Variants in NUP62CL observed in about 807,000 individuals in gnomAD.
The protein encoded by NUP62CL is nucleoporin-62 C-terminal-like protein.
A neutral mutation model predicts 15.3 loss-of-function variants in NUP62CL; 13 were observed. The observed-to-expected ratio is 0.85, with a 90% CI of 0.55 to 1.35. The LOEUF (loss-of-function observed/expected upper bound fraction) is 1.35. Among genes scored for constraint, NUP62CL ranks in the 40% most tolerant of loss-of-function variants. The pLI, the probability that NUP62CL is intolerant of heterozygous loss-of-function variation, is 0.00. For synonymous variants in NUP62CL, 54 were observed against 49.2 expected (o/e 1.10, Z -0.41); for missense variants, 123 against 130.6 (o/e 0.94, Z 0.28).
intron 1 of NUP62CL, among the ~76,000 whole-genome samples, chrX:107,199,763 A>T (rs928297495): frequency 6.2e-5 from 7 of 112,059 alleles, no homozygotes; most frequent in Non-Finnish European, 1.3e-4. Context: ...AATACATATG[A>T]TTGTTTAACA....
At chrX:107,203,665 T>C (rs1927540308) in intron 1 of NUP62CL, among the ~76,000 whole-genome samples, 1 of 111,284 alleles carries the variant, frequency 9.0e-6, no homozygotes, top group Non-Finnish European at 1.9e-5. Context: ...ATGCAAAATA[T>C]AAAGATCATC....
chrX:107,198,800 G>A (rs1436983577), intron 1 of NUP62CL, among the ~76,000 whole-genome samples: 1 of 112,171 alleles, frequency 8.9e-6, no homozygotes, highest in African/African-American at 3.2e-5. Flanking sequence ...TTTAAGAACT[G>A]TAATACTCAC....
intron 8 of NUP62CL, among the ~76,000 whole-genome samples, chrX:107,140,226 G>C: frequency 8.9e-6 from 1 of 111,951 alleles, no homozygotes; most frequent in Non-Finnish European, 1.9e-5. Flanking sequence ...TATATCTTAA[G>C]TGGTCTTTAT....
At chrX:107,199,631 T>C (rs138822543) in intron 1 of NUP62CL, among the ~76,000 whole-genome samples, 1,173 of 112,183 alleles carry the variant, frequency 0.01, 21 homozygotes, top group African/African-American at 0.035. Context: ...TTATTGACAA[T>C]CATCAAGTTC....
intron 3 of NUP62CL, among the ~76,000 whole-genome samples, chrX:107,172,139 T>C (rs1231899747): frequency 9.9e-6 from 1 of 100,843 alleles, no homozygotes; most frequent in Non-Finnish European, 2.0e-5. Context: ...GCCTGGACAA[T>C]GTAGTGAGAC....
chrX:107,174,564 A>G (rs747102286), intron 3 of NUP62CL, among the ~76,000 whole-genome samples: 19 of 111,788 alleles, frequency 1.7e-4, no homozygotes, highest in Middle Eastern at 4.6e-3. Flanking sequence ...ATCCAGATAG[A>G]TGGTCCTCTT....
chrX:107,130,283 A>T (rs1033550213), intron 8 of NUP62CL, among the ~76,000 whole-genome samples: 1 of 111,908 alleles, frequency 8.9e-6, no homozygotes, highest in African/African-American at 3.2e-5. Context: ...GAAAAACACA[A>T]TGAAAAGTTC....
chrX:107,162,114 T>C (rs1464637932), intron 4 of NUP62CL, among the ~76,000 whole-genome samples: 1 of 110,585 alleles, frequency 9.0e-6, no homozygotes, highest in Non-Finnish European at 1.9e-5. Flanking sequence ...CCTAAGGAAT[T>C]TGATAACAGA....
intron 1 of NUP62CL, among the ~76,000 whole-genome samples, chrX:107,205,351 T>C (rs761553026): frequency 1.8e-5 from 2 of 112,420 alleles, no homozygotes; most frequent in Non-Finnish European, 3.7e-5. Flanking sequence ...ACTCTGATCA[T>C]TCACAGTAAT....
chrX:107,153,271 T>G lies in NUP62CL; in HGVS notation c.431A>C (p.Gln144Pro). 3 of 1,207,913 alleles carry G rather than the reference T, an allele frequency of 2.5e-6. No homozygotes were observed. The highest frequency in any genetic ancestry group is 3.4e-6 in the Non-Finnish European group (3 of 892,400). ...AGTCAACAGAAATTCTAGTTCCTGC[T>G]GCTGTGACAGGATAAAATCCAATTC... is the stretch of plus-strand genomic sequence containing the variant. ...EQELDFILSQ[Q>P]QELEFLLTYL... is the part of the protein sequence containing the mutation. The change falls in exon 7 of 9, where the codon CAG becomes CCG. Residue 144 changes from glutamine (Q) to proline (P), a missense_variant. Coordinates refer to ENST00000372466, the MANE Select transcript of NUP62CL (RefSeq NM_017681.3).
intron 2 of NUP62CL, among the ~76,000 whole-genome samples, chrX:107,192,270 T>A (rs915062603): frequency 4.4e-5 from 5 of 112,487 alleles, no homozygotes; most frequent in Middle Eastern, 4.2e-3. Context: ...CCTCCTATGG[T>A]TCACATAAAA....
At chrX:107,183,262 C>G (rs149725322) in intron 2 of NUP62CL, among the ~76,000 whole-genome samples, 1 of 109,515 alleles carries the variant, frequency 9.1e-6, no homozygotes, top group African/African-American at 3.3e-5. Flanking sequence ...CCTCTTCTTC[C>G]CCCTAGATAC....
At chrX:107,179,093 CA>C (rs374131484) in intron 2 of NUP62CL, among the ~76,000 whole-genome samples, 57 of 89,836 alleles carry the variant, frequency 6.3e-4, no homozygotes, top group South Asian at 1.0e-3. Context: ...GACTCCATCT[CA>C]AAAAAAAAAA....
chrX:107,200,618 C>T (rs1409591601), intron 1 of NUP62CL, among the ~76,000 whole-genome samples: 1 of 68,260 alleles, frequency 1.5e-5, no homozygotes, highest in Non-Finnish European at 2.9e-5. Context: ...GATTCCGTCT[C>T]AAAAAAAAAA....
chrX:107,147,118 A>T (rs1270745828), intron 8 of NUP62CL, among the ~76,000 whole-genome samples: 1 of 111,964 alleles, frequency 8.9e-6, no homozygotes, highest in Non-Finnish European at 1.9e-5. Context: ...GAAAATCTTG[A>T]CTTCTATTAT....
intron 4 of NUP62CL, among the ~76,000 whole-genome samples, chrX:107,163,417 A>C (rs1178647000): frequency 9.0e-6 from 1 of 111,614 alleles, no homozygotes; most frequent in Non-Finnish European, 1.9e-5. Context: ...AAAATACTCA[A>C]ACAACTGACA....
At chrX:107,155,391 G>A (rs1323987625) in intron 4 of NUP62CL, among the ~76,000 whole-genome samples, 1 of 112,632 alleles carries the variant, frequency 8.9e-6, no homozygotes, top group African/African-American at 3.2e-5. Flanking sequence ...ACTAAGCAGT[G>A]TGAGTCAGTC....
chrX:107,205,941 C>G (rs1217876791), intron 1 of NUP62CL, among the ~76,000 whole-genome samples: 1 of 110,255 alleles, frequency 9.1e-6, no homozygotes, highest in Non-Finnish European at 1.9e-5. Context: ...GGTGCTCCCC[C>G]GGGGACTTGG....
intron 2 of NUP62CL, among the ~76,000 whole-genome samples, chrX:107,189,867 A>AAGGAAAAAGAAAG (rs1927173816): frequency 1.4e-5 from 1 of 72,849 alleles, no homozygotes; most frequent in Non-Finnish European, 2.8e-5. Flanking sequence ...GGAAGGAAGG[A>AAGGAAAAAGAAAG]AAAAGAAAGA....
Sources: gnomAD v4.1 joint callset for allele counts (sites outside exome capture counted in the v4.1 genomes callset) on GRCh38, gnomAD v4.1.1 for gene constraint, MANE v1.5 for transcripts, NCBI Gene and HGNC (gene_info 2026-07-23, HGNC 2026-07-21) for gene names.